The following ENTHD1 variants were observed in gnomAD, a reference collection of about 807,000 sequenced individuals.
ENTHD1 encodes the protein ENTH domain-containing protein 1.
ENTHD1 carries 23 observed loss-of-function variants against 39.1 expected under a neutral mutation model. The observed-to-expected ratio is 0.59, with a 90% CI of 0.42 to 0.83. The LOEUF is 0.83. Among genes scored for constraint, ENTHD1 ranks in the 40% least tolerant of loss-of-function variants. The pLI is 0.00. For missense variants in ENTHD1, 624 were observed against 705.4 expected (o/e 0.88, Z 1.31); for synonymous variants, 230 against 258.2 (o/e 0.89, Z 1.05).
intron 2 of ENTHD1, among the ~76,000 whole-genome samples, chr22:39,870,418 G>A (rs137944): frequency 1.6e-4 from 25 of 151,958 alleles, no homozygotes; most frequent in Admixed American, 2.0e-4. Flanking sequence ...CCTAATATTC[G>A]TCTAGAGGAA....
intron 5 of ENTHD1, among the ~76,000 whole-genome samples, chr22:39,801,826 T>C (rs903025658): frequency 6.6e-6 from 1 of 152,064 alleles, no homozygotes; most frequent in African/African-American, 2.4e-5. Flanking sequence ...TTAATAGTAA[T>C]GAAAGGTTCA....
chr22:39,888,260 CTTTTTTTTTT>C lies in ENTHD1; in HGVS notation c.-155-367_-155-358del, dbSNP rs61092462. Among the ~76,000 whole-genome samples the C allele has an allele frequency of 9.4e-3, 1,044 of 110,658 alleles. 12 individuals are homozygous for C. The highest frequency in any genetic ancestry group is 0.034 in the African/African-American group (874 of 25,818). 72.6% of individuals were successfully genotyped at this position (110,658 alleles called of 152,430 possible). On this transcript the variant is annotated intron_variant, in intron 1 of 6. Coordinates refer to ENST00000325157, the MANE Select transcript of ENTHD1 (RefSeq NM_152512.4). The stretch of plus-strand genomic sequence containing the variant: ...CTGACATCTCTTTCTTTCTTTCTTT[CTTTTTTTTTT>C]TTTTTTTTTTTTCCAAAGACAGGGT...
At chr22:39,831,794 C>G (rs1322136679) in intron 4 of ENTHD1, among the ~76,000 whole-genome samples, 2 of 151,976 alleles carry the variant, frequency 1.3e-5, no homozygotes, top group Admixed American at 1.3e-4. Flanking sequence ...CCACTACACT[C>G]CAGCCTGGGT....
At chr22:39,890,628 T>C (rs1308051750) in intron 1 of ENTHD1, among the ~76,000 whole-genome samples, 1 of 152,192 alleles carries the variant, frequency 6.6e-6, no homozygotes. Flanking sequence ...ATTTTAAACT[T>C]TTAAAAACTG....
At chr22:39,744,655 G>A (rs910873203) in intron 6 of ENTHD1, among the ~76,000 whole-genome samples, 1 of 152,132 alleles carries the variant, frequency 6.6e-6, no homozygotes, top group African/African-American at 2.4e-5. Context: ...ATTTAAAGTA[G>A]AAAGTGAGAA....
intron 5 of ENTHD1, among the ~76,000 whole-genome samples, chr22:39,780,171 C>T (rs1462666860): frequency 1.3e-5 from 2 of 151,916 alleles, no homozygotes; most frequent in Non-Finnish European, 2.9e-5. Context: ...GTCAGGAGTT[C>T]GAGACCAGCC....
chr22:39,774,017 G>A (rs555272025), intron 5 of ENTHD1, among the ~76,000 whole-genome samples: 3 of 152,274 alleles, frequency 2.0e-5, no homozygotes, highest in Admixed American at 6.5e-5. Context: ...TCAGCGTTAC[G>A]AGTGCACAGT....
chr22:39,889,230 T>C (rs1375159409), intron 1 of ENTHD1, among the ~76,000 whole-genome samples: 6 of 152,328 alleles, frequency 3.9e-5, no homozygotes, highest in Non-Finnish European at 7.3e-5. Context: ...CAAGGATTTC[T>C]CTAAATCCTG....
intron 5 of ENTHD1, among the ~76,000 whole-genome samples, chr22:39,793,675 A>G (rs537977443): frequency 6.6e-6 from 1 of 152,134 alleles, no homozygotes; most frequent in South Asian, 2.1e-4. Flanking sequence ...CCTTCCGCAT[A>G]TGGATATCCA....
At chr22:39,835,102 A>G (rs2065898810) in intron 4 of ENTHD1, among the ~76,000 whole-genome samples, 1 of 152,110 alleles carries the variant, frequency 6.6e-6, no homozygotes, top group African/African-American at 2.4e-5. Flanking sequence ...ACACAAATAC[A>G]AGTTTAAAAA....
intron 5 of ENTHD1, among the ~76,000 whole-genome samples, chr22:39,813,394 C>T (rs771934820): frequency 6.6e-6 from 1 of 152,114 alleles, no homozygotes; most frequent in Non-Finnish European, 1.5e-5. Context: ...AAATCAAATC[C>T]AGTAATACAT....
chr22:39,881,827 A>G (rs1191007251), intron 2 of ENTHD1, among the ~76,000 whole-genome samples: 1 of 152,226 alleles, frequency 6.6e-6, no homozygotes, highest in Non-Finnish European at 1.5e-5. Context: ...GAAGAGATCC[A>G]AAGGAGGTGG....
intron 3 of ENTHD1, among the ~76,000 whole-genome samples, chr22:39,843,194 A>G (rs1158440050): frequency 6.6e-6 from 1 of 152,198 alleles, no homozygotes; most frequent in Non-Finnish European, 1.5e-5. Flanking sequence ...ACAATAGTAA[A>G]GACTTGGAAC....
chr22:39,825,787 A>G (rs776744036), intron 4 of ENTHD1, among the ~76,000 whole-genome samples: 1 of 151,102 alleles, frequency 6.6e-6, no homozygotes, highest in African/African-American at 2.4e-5. Context: ...TTTGGTTTAT[A>G]TCAGACATAG....
intron 6 of ENTHD1, among the ~76,000 whole-genome samples, chr22:39,753,998 C>A (rs775194375): frequency 2.6e-5 from 4 of 152,178 alleles, no homozygotes; most frequent in Admixed American, 6.5e-5. Context: ...CATTCTCCAC[C>A]CCTTCAACCA....
intron 3 of ENTHD1, among the ~76,000 whole-genome samples, chr22:39,852,622 C>A (rs550380991): frequency 1.3e-5 from 2 of 152,274 alleles, no homozygotes; most frequent in Non-Finnish European, 2.9e-5. Context: ...TAGCCTATTG[C>A]TCCTAAGCAA....
chr22:39,854,195 A>C (rs1188399953), intron 3 of ENTHD1, among the ~76,000 whole-genome samples: 1 of 152,174 alleles, frequency 6.6e-6, no homozygotes, highest in Non-Finnish European at 1.5e-5. Flanking sequence ...AGAGTGTGCA[A>C]ACTCCACACA....
chr22:39,791,929 T>C lies in ENTHD1; in HGVS notation c.833-26320A>G, dbSNP rs181013271. Among the ~76,000 whole-genome samples the C allele has an allele frequency of 5.0e-3, 756 of 152,120 alleles. 5 individuals carry two copies. Among genetic ancestry groups the C allele is most frequent in the Non-Finnish European group, 5.7e-3 (387 of 67,968 alleles). The stretch of plus-strand genomic sequence containing the variant: ...TAGGCCCTAGTGTCTATTCTTCCTC[T>C]CTTTCTGTCCATGTGTTCTCATTAT... On this transcript the variant is annotated intron_variant, in intron 5 of 6. Coordinates refer to ENST00000325157, the MANE Select transcript of ENTHD1 (RefSeq NM_152512.4).
At chr22:39,886,151 A>T (rs1601670988) in intron 2 of ENTHD1, among the ~76,000 whole-genome samples, 1 of 152,294 alleles carries the variant, frequency 6.6e-6, no homozygotes, top group East Asian at 1.9e-4. Context: ...AAGTGAAAGA[A>T]ACCAGTCTGA....
Sources: allele counts gnomAD v4.1 joint callset (sites outside exome capture counted in the v4.1 genomes callset), GRCh38; gene constraint gnomAD v4.1.1; transcripts MANE v1.5; gene names NCBI Gene and HGNC (gene_info 2026-07-23, HGNC 2026-07-21).